The following GABRR3 variants were observed in gnomAD, a reference collection of about 807,000 sequenced individuals.
GABRR3 encodes the protein gamma-aminobutyric acid type A receptor subunit rho3, also known as gamma-aminobutyric acid receptor subunit rho-3.
GABRR3 carries 29 observed loss-of-function variants against 43.2 expected under a neutral mutation model. The observed-to-expected ratio is 0.67, with a 90% confidence interval of 0.50 to 0.92. The LOEUF is 0.92. Among genes scored for constraint, GABRR3 ranks in the 40% least tolerant of loss-of-function variants. GABRR3 has a pLI of 0.00. For missense variants in GABRR3, 576 were observed against 572.3 expected (o/e 1.01, Z -0.07); for synonymous variants, 206 against 195.9 (o/e 1.05, Z -0.43).
chr3:98,011,925 T>C (rs1489196921), intron 5 of GABRR3, among the ~76,000 whole-genome samples: 1 of 152,204 alleles, frequency 6.6e-6, no homozygotes, highest in African/African-American at 2.4e-5. Flanking sequence ...GGTGTTAGCT[T>C]GAATGATAGC....
intron 7 of GABRR3, among the ~76,000 whole-genome samples, chr3:98,003,602 T>C (rs957097012): frequency 4.6e-5 from 7 of 152,018 alleles, no homozygotes; most frequent in African/African-American, 1.7e-4. Flanking sequence ...TTTTGGGTAG[T>C]ACAATAAAAA....
intron 7 of GABRR3, among the ~76,000 whole-genome samples, chr3:98,006,999 C>A (rs558378694): frequency 6.6e-6 from 1 of 152,052 alleles, no homozygotes. Flanking sequence ...GCATCTGTCA[C>A]GTGCCAAGAA....
At chr3:97,988,551 T>C (rs1244576331) in intron 9 of GABRR3, among the ~76,000 whole-genome samples, 1 of 151,810 alleles carries the variant, frequency 6.6e-6, no homozygotes, top group Non-Finnish European at 1.5e-5. Flanking sequence ...TGGATAGTAA[T>C]AATGTGAGAT....
exon 8 of GABRR3, chr3:98,001,683 A>G: frequency 6.2e-7 from 1 of 1,613,406 alleles, no homozygotes; most frequent in Non-Finnish European, 8.5e-7. Flanking sequence ...CATCACCATC[A>G]ATATGGCTGG....
intron 2 of GABRR3, among the ~76,000 whole-genome samples, chr3:98,029,971 C>A (rs199511310): frequency 2.0e-5 from 3 of 151,692 alleles, no homozygotes; most frequent in East Asian, 3.9e-4. Flanking sequence ...AAAAATTAGC[C>A]AGGTGTGGTG....
chr3:97,995,626 G>A (rs907182153), intron 8 of GABRR3, among the ~76,000 whole-genome samples: 7 of 151,648 alleles, frequency 4.6e-5, no homozygotes, highest in Non-Finnish European at 8.8e-5. Context: ...AAGAATTAGA[G>A]TGGAGAGGAG....
chr3:98,021,400 G>A (rs1706946222), intron 3 of GABRR3, among the ~76,000 whole-genome samples: 1 of 152,140 alleles, frequency 6.6e-6, no homozygotes, highest in Non-Finnish European at 1.5e-5. Context: ...TCAAATCCAT[G>A]GAATTTGTAG....
chr3:98,005,717 G>A (rs1398423341), intron 7 of GABRR3, among the ~76,000 whole-genome samples: 1 of 152,178 alleles, frequency 6.6e-6, no homozygotes, highest in East Asian at 1.9e-4. Flanking sequence ...GAATTTTGAA[G>A]TGAAATTTAA....
At chr3:98,022,023 G>A (rs1706955033) in intron 3 of GABRR3, among the ~76,000 whole-genome samples, 2 of 152,154 alleles carry the variant, frequency 1.3e-5, no homozygotes, top group Non-Finnish European at 2.9e-5. Context: ...TGATAGGAAA[G>A]TAGCCAGATC....
intron 3 of GABRR3, among the ~76,000 whole-genome samples, chr3:98,019,828 T>C (rs141810784): frequency 2.6e-5 from 4 of 152,146 alleles, no homozygotes; most frequent in African/African-American, 9.7e-5. Context: ...CCTCCTAAAG[T>C]GCTGGGATTA....
At chr3:98,020,938 G>A (rs561298655) in intron 3 of GABRR3, among the ~76,000 whole-genome samples, 4 of 147,096 alleles carry the variant, frequency 2.7e-5, no homozygotes, top group South Asian at 2.1e-4. Flanking sequence ...CTCGGCTCAC[G>A]GCAACCTCCA....
Position 97,986,855 on chromosome 3 carries a change from G to T in GABRR3, c.1232C>A (p.Ser411Ter). The change falls in exon 10 of 10, where the codon TCG becomes TAG. Residue 411 changes from serine to a stop codon, truncating the protein, a stop_gained. Transcript: ENST00000621172. LOFTEE classifies it high-confidence loss of function. ...TGAATCGGTGCTGGGGCTGCATATC[G>T]ATTTTCTTCTCATGAAGTCTTCTGA... 1 of 1,612,248 alleles carries T rather than the reference G, an allele frequency of 6.2e-7. No individual in the cohort carries two copies.
chr3:97,993,056 T>C lies in GABRR3; in HGVS notation c.908-8A>G. ...TCAGCACTGTGGTGATTCCTGCCATTTGAGAATAGTGGCAAGCTCAGTGAT... is the reference window on the plus strand; with the variant it reads ...TCAGCACTGTGGTGATTCCTGCCATCTGAGAATAGTGGCAAGCTCAGTGAT... On this transcript the variant is annotated splice_region_variant and splice_polypyrimidine_tract_variant and intron_variant, in intron 8 of 9. Coordinates refer to ENST00000621172, the Ensembl canonical transcript of GABRR3. 1 of 1,581,410 alleles carries C rather than the reference T, an allele frequency of 6.3e-7. No individual in the cohort carries two copies. Among genetic ancestry groups the C allele is most frequent in the Non-Finnish European group, 8.6e-7 (1 of 1,161,986 alleles).
intron 7 of GABRR3, among the ~76,000 whole-genome samples, chr3:98,006,653 C>T (rs1446543198): frequency 6.6e-6 from 1 of 152,180 alleles, no homozygotes; most frequent in Non-Finnish European, 1.5e-5. Flanking sequence ...TCAGGGACAG[C>T]TGTTGGCACA....
chr3:98,015,311 A>G (rs1167306831), intron 4 of GABRR3, among the ~76,000 whole-genome samples: 2 of 152,098 alleles, frequency 1.3e-5, no homozygotes, highest in South Asian at 2.1e-4. Flanking sequence ...TCCTGCCTCA[A>G]CCTACTGAGT....
intron 9 of GABRR3, among the ~76,000 whole-genome samples, chr3:97,990,111 A>G (rs832100): frequency 0.15 from 23,569 of 152,116 alleles, 2,124 homozygotes; most frequent in South Asian, 0.29. Context: ...TAATACTCCT[A>G]TTCCCTCAGG....
At chr3:98,010,484 A>G (rs832027) in intron 5 of GABRR3, among the ~76,000 whole-genome samples, 117,787 of 152,032 alleles carry the variant, frequency 0.77, 46,047 homozygotes, top group East Asian at 0.99. Flanking sequence ...GATATCTAGT[A>G]GCTCAAAGTC....
rs76386674 is a variant in GABRR3, at chr3:98,008,983, G to A, written c.586C>T (p.Gln196Ter). ...CTTTCCAGTTCAAGAGAACAATTTT[G>A]AGTGTCAAGAGGAAACCTGCTGAAA... Residue 196 changes from glutamine to a stop codon, truncating the protein, a stop_gained, in exon 6 of 10, where the codon CAA (glutamine) becomes TAA (stop). Transcript: ENST00000621172. LOFTEE classifies it high-confidence loss of function. 1.1e-3 allele frequency: 1,717 copies of A among 1,606,646 alleles called. 6 individuals carry two copies. The highest frequency in any genetic ancestry group is 8.8e-4 in the Non-Finnish European group (1,037 of 1,176,432).
At chr3:97,986,202 GAGA>G (rs917721760), downstream of GABRR3, among the ~76,000 whole-genome samples, 1 of 152,154 alleles carries the variant, frequency 6.6e-6, no homozygotes. Flanking sequence ...TACTTGACTG[GAGA>G]AGGAGATTGG....
Sources: allele counts gnomAD v4.1 joint callset (sites outside exome capture counted in the v4.1 genomes callset), GRCh38; gene constraint gnomAD v4.1.1; transcripts MANE v1.5; gene names NCBI Gene and HGNC (gene_info 2026-07-23, HGNC 2026-07-21).